ANKRD31: variants seen among roughly 807,000 people sequenced by gnomAD.
ANKRD31 encodes ankyrin repeat domain 31.
A neutral mutation model predicts 186.0 loss-of-function variants in ANKRD31; 147 were observed. That is an observed-to-expected ratio of 0.79 (90% CI 0.69 to 0.91). The LOEUF (loss-of-function observed/expected upper bound fraction) is 0.91. Ranked by LOEUF, ANKRD31 falls within the 40% of genes least tolerant of loss-of-function variation. ANKRD31 has a pLI of 0.00. For synonymous variants in ANKRD31, 673 were observed against 736.4 expected, an observed-to-expected ratio of 0.91 and a Z score of 1.39; for missense variants, 1,986 against 2,148.8, an observed-to-expected ratio of 0.92 and a Z score of 1.50.
Position 75,138,918 on chromosome 5 carries a change from T to C in ANKRD31, c.3661A>G (p.Arg1221Gly). Reference sequence around the variant, plus strand: ...TTCACTAGGGGCAGATTTCCTCTTCTGACAGCTAAATGAAGCTGGCTTTCC... The same window carrying C: ...TTCACTAGGGGCAGATTTCCTCTTCCGACAGCTAAATGAAGCTGGCTTTCC... ...RGESQLHLAV[R>G]RGNLPLVKAL... The change falls in exon 16 of 26, where the codon AGA becomes GGA. Residue 1221 changes from arginine (R) to glycine (G), a missense_variant. By Grantham distance (125) the Arg-to-Gly change is moderately radical (BLOSUM62 -2). Coordinates refer to ENST00000506364, the MANE Select transcript of ANKRD31 (RefSeq NM_001372053.1). The C allele has an allele frequency of 6.5e-7, 1 of 1,536,906 alleles. No homozygotes were observed. Among genetic ancestry groups the C allele is most frequent in the Non-Finnish European group, 8.7e-7 (1 of 1,146,680 alleles).
intron 19 of ANKRD31, among the ~76,000 whole-genome samples, chr5:75,114,831 C>T (rs1163245385): frequency 6.6e-6 from 1 of 152,078 alleles, no homozygotes; most frequent in Non-Finnish European, 1.5e-5. Context: ...GGCCATACTG[C>T]CCAAGGTAAT....
At chr5:75,122,090 A>T (rs979993088) in intron 17 of ANKRD31, among the ~76,000 whole-genome samples, 22 of 152,090 alleles carry the variant, frequency 1.4e-4, no homozygotes, top group Non-Finnish European at 3.2e-4. Context: ...AAGAAGAAAG[A>T]ATATCTAAAT....
intron 24 of ANKRD31, among the ~76,000 whole-genome samples, chr5:75,082,056 C>T (rs1233254769): frequency 6.6e-6 from 1 of 152,154 alleles, no homozygotes; most frequent in Non-Finnish European, 1.5e-5. Flanking sequence ...TTAACTTCCC[C>T]ACAGTTATTA....
intron 10 of ANKRD31, among the ~76,000 whole-genome samples, chr5:75,179,480 C>T (rs1158327301): frequency 6.6e-6 from 1 of 152,100 alleles, no homozygotes; most frequent in Non-Finnish European, 1.5e-5. Flanking sequence ...ATGCAAAAAT[C>T]CTCAATAAAA....
intron 22 of ANKRD31, among the ~76,000 whole-genome samples, chr5:75,102,577 C>T (rs1746992446): frequency 6.6e-6 from 1 of 152,220 alleles, no homozygotes; most frequent in South Asian, 2.1e-4. Context: ...TGGTGGCCTC[C>T]ACCCAGTTCG....
chr5:75,149,992 G>A (rs1422697), intron 12 of ANKRD31, among the ~76,000 whole-genome samples: 76,501 of 151,440 alleles, frequency 0.51, 22,261 homozygotes, highest in African/African-American at 0.81. Context: ...TTAATACCCA[G>A]GTATAAATTC....
At chr5:75,194,770 G>C (rs1032239627) in intron 7 of ANKRD31, among the ~76,000 whole-genome samples, 1 of 151,794 alleles carries the variant, frequency 6.6e-6, no homozygotes, top group Non-Finnish European at 1.5e-5. Context: ...AAGTTGGAAG[G>C]CATTATATAT....
rs1017176473 is a variant in ANKRD31 at position 75,236,574 on chromosome 5, G to A, written c.104+9C>T. On this transcript the variant is annotated intron_variant, in intron 1 of 25. Coordinates refer to ENST00000506364, the MANE Select transcript of ANKRD31 (RefSeq NM_001372053.1). ...AGGGTTCAGGCACTGTGGCCCTAAT[G>A]ATGGTCACCTTCTCCAGGGCAGCTC... is the stretch of plus-strand genomic sequence containing the variant. 5 of 1,536,206 alleles carry A rather than the reference G, an allele frequency of 3.3e-6. No individual in the cohort carries two copies. The Admixed American group carries it at 7.9e-5, about 24-fold the overall frequency.
At chr5:75,103,986 C>T (rs1747121491) in intron 22 of ANKRD31, among the ~76,000 whole-genome samples, 1 of 152,050 alleles carries the variant, frequency 6.6e-6, no homozygotes, top group Admixed American at 6.5e-5. Context: ...GCACATCCTG[C>T]ACATGTATCC....
chr5:75,105,869 C>A (rs1408029296), intron 21 of ANKRD31, among the ~76,000 whole-genome samples: 1 of 152,098 alleles, frequency 6.6e-6, no homozygotes, highest in East Asian at 1.9e-4. Flanking sequence ...TTTCTCAAGA[C>A]CTTGAGGACT....
chr5:75,233,049 T>C (rs1305231303), intron 1 of ANKRD31, among the ~76,000 whole-genome samples: 2 of 146,042 alleles, frequency 1.4e-5, no homozygotes, highest in Admixed American at 6.8e-5. Context: ...CCATTTCTTT[T>C]TTTAATTTTT....
At chr5:75,127,291 G>A (rs922109085) in intron 17 of ANKRD31, among the ~76,000 whole-genome samples, 1 of 152,106 alleles carries the variant, frequency 6.6e-6, no homozygotes, top group African/African-American at 2.4e-5. Flanking sequence ...CCTAAACTGG[G>A]GATGATTTTT....
intron 23 of ANKRD31, among the ~76,000 whole-genome samples, chr5:75,090,561 C>T (rs1745847818): frequency 6.6e-6 from 1 of 152,120 alleles, no homozygotes; most frequent in African/African-American, 2.4e-5. Flanking sequence ...TTCTAGTCTT[C>T]GAAACAGTCA....
At chr5:75,094,859 C>A (rs79844816) in intron 22 of ANKRD31, among the ~76,000 whole-genome samples, 1 of 151,492 alleles carries the variant, frequency 6.6e-6, no homozygotes, top group Non-Finnish European at 1.5e-5. Context: ...TCATATAAAC[C>A]GCAACCACAA....
At chr5:75,078,382 C>G (rs963389156) in intron 25 of ANKRD31, among the ~76,000 whole-genome samples, 2 of 152,254 alleles carry the variant, frequency 1.3e-5, no homozygotes, top group African/African-American at 4.8e-5. Context: ...AACAGATTAT[C>G]AGTAGGACCG....
intron 21 of ANKRD31, among the ~76,000 whole-genome samples, chr5:75,105,911 T>C (rs1747296463): frequency 1.3e-5 from 2 of 152,146 alleles, no homozygotes; most frequent in African/African-American, 4.8e-5. Context: ...CACATCTTCA[T>C]ACTTTTGTCT....
At chr5:75,111,688 A>G (rs1747800525) in intron 20 of ANKRD31, among the ~76,000 whole-genome samples, 1 of 152,244 alleles carries the variant, frequency 6.6e-6, no homozygotes, top group East Asian at 1.9e-4. Flanking sequence ...CTTATAAATC[A>G]TAACTCAAAA....
chr5:75,134,757 C>T (rs762437209), intron 17 of ANKRD31, among the ~76,000 whole-genome samples: 2 of 152,062 alleles, frequency 1.3e-5, no homozygotes, highest in Non-Finnish European at 2.9e-5. Context: ...AACACCAATG[C>T]AAAATCCTCA....
chr5:75,139,129 A>C, intron 15 of ANKRD31, 146 bp from the exon 16 acceptor site: 1 of 980,072 alleles, frequency 1.0e-6, no homozygotes, highest in African/African-American at 1.6e-5. Flanking sequence ...TTATTGTTTT[A>C]ATATATAATT....
Sources: allele counts gnomAD v4.1 joint callset (sites outside exome capture counted in the v4.1 genomes callset), GRCh38; gene constraint gnomAD v4.1.1; transcripts MANE v1.5; gene names NCBI Gene and HGNC (gene_info 2026-07-23, HGNC 2026-07-21).